Variants in PNPLA4 observed in about 807,000 individuals in gnomAD.
The protein encoded by PNPLA4 is patatin like domain 4, phospholipase and triacylglycerol lipase, also known as patatin-like phospholipase domain-containing protein 4.
A neutral mutation model predicts 18.3 loss-of-function variants in PNPLA4; 15 were observed. That is an observed-to-expected ratio of 0.82 (90% CI 0.55 to 1.26). The LOEUF (loss-of-function observed/expected upper bound fraction) is 1.26. Ranked by LOEUF, PNPLA4 falls within the 50% of genes most tolerant of loss-of-function variation. The pLI is 0.00. For synonymous variants in PNPLA4, 88 were observed against 85.6 expected, an observed-to-expected ratio of 1.03 and a Z score of -0.16; for missense variants, 229 against 196.8, an observed-to-expected ratio of 1.16 and a Z score of -0.98.
chrX:7,920,441 TGA>T (rs1428510051), intron 4 of PNPLA4, among the ~76,000 whole-genome samples: 1 of 112,210 alleles, frequency 8.9e-6, no homozygotes, highest in African/African-American at 3.2e-5. Flanking sequence ...CTCTTGTAAG[TGA>T]GAGAATGACG....
chrX:7,921,832 T>C lies in PNPLA4; in HGVS notation c.292A>G (p.Ile98Val). The change falls in exon 4 of 7, where the codon ATT (isoleucine) becomes GTT (valine). Residue 98 changes from isoleucine (I) to valine (V), a missense_variant. Transcript: ENST00000381042. Reference sequence around the variant, plus strand: ...AGCTCGTGAGCGCTGGGAGGAAGAATCGACTCCATCCCACTTCTAAAGAAG... The same window carrying C: ...AGCTCGTGAGCGCTGGGAGGAAGAACCGACTCCATCCCACTTCTAAAGAAG... The part of the protein sequence containing the change: ...MARLRSGMES[I>V]LPPSAHELAQ... 8.3e-7 allele frequency: 1 copy of C among 1,208,589 alleles called. No individual in the cohort carries two copies. The highest frequency in any genetic ancestry group is 1.1e-6 in the Non-Finnish European group (1 of 893,051).
chrX:7,909,816 C>T (rs1006120524), intron 5 of PNPLA4, among the ~76,000 whole-genome samples: 1 of 111,239 alleles, frequency 9.0e-6, no homozygotes, highest in Non-Finnish European at 1.9e-5. Context: ...TTATTCGGCT[C>T]ACATGTCATT....
At chrX:7,926,792 T>C (rs1266296478) in intron 1 of PNPLA4, among the ~76,000 whole-genome samples, 1 of 112,572 alleles carries the variant, frequency 8.9e-6, no homozygotes, top group East Asian at 2.8e-4. Context: ...CGCCACTTTA[T>C]ACTTGGAACA....
Position 7,899,687 on chromosome X carries a change from G to C in PNPLA4, c.*999C>G, listed in dbSNP as rs1212632045. Reference sequence around the variant, plus strand: ...AGAGAGAGAGAGAGAGAGAATGAATGACAACCAGCTTGATAATCTCCTAAA... The same window carrying C: ...AGAGAGAGAGAGAGAGAGAATGAATCACAACCAGCTTGATAATCTCCTAAA... On this transcript the variant is annotated 3_prime_UTR_variant, in exon 7 of 7. Coordinates refer to ENST00000381042, the MANE Select transcript of PNPLA4 (RefSeq NM_004650.3). 9.8e-6 allele frequency: 1 copy of C among 101,789 alleles called. No individual in the cohort carries two copies. The highest frequency in any genetic ancestry group is 2.0e-5 in the Non-Finnish European group (1 of 49,898). 8.4% of individuals were successfully genotyped at this position (101,789 alleles called of 1,213,427 possible).
intron 4 of PNPLA4, among the ~76,000 whole-genome samples, chrX:7,915,173 A>G (rs1254567368): frequency 9.0e-6 from 1 of 110,602 alleles, no homozygotes; most frequent in Non-Finnish European, 1.9e-5. Context: ...AGTGTATCTC[A>G]CCTCACAATA....
chrX:7,921,918 G>A, intron 3 of PNPLA4, 70 bp from the exon 4 acceptor site: 1 of 1,122,776 alleles, frequency 8.9e-7, no homozygotes, highest in East Asian at 3.1e-5. Context: ...TTTTACAAGA[G>A]AGAATGCTGA....
chrX:7,900,660 T>C lies in PNPLA4; in HGVS notation c.*26A>G. The C allele has an allele frequency of 9.4e-7, 1 of 1,062,739 alleles. No homozygotes were observed. Among genetic ancestry groups the C allele is most frequent in the Admixed American group, 2.7e-5 (1 of 36,679 alleles). 87.6% of individuals were successfully genotyped at this position (1,062,739 alleles called of 1,213,427 possible). On this transcript the variant is annotated 3_prime_UTR_variant, in exon 7 of 7. Coordinates refer to ENST00000381042, the MANE Select transcript of PNPLA4 (RefSeq NM_004650.3). ...TCCATCAAAAACTATCTAAAACGTGTTTTGCATTATAAACTTTTATGCATT... is the reference window on the plus strand; with the variant it reads ...TCCATCAAAAACTATCTAAAACGTGCTTTGCATTATAAACTTTTATGCATT...
chrX:7,922,006 T>C lies in PNPLA4; in HGVS notation c.273A>G (p.Leu91=). The stretch of plus-strand genomic sequence containing the variant: ...TGGGCAAAATGTACTCTGTATACCT[T>C]AGTCGGGCCATGAAGTCATAACCGG... ...VTPGYDFMAR[L]RSGMESILPP... The change falls in exon 3 of 7, where the codon CTA becomes CTG. Residue 91 remains leucine (L), a splice_region_variant and synonymous_variant. Coordinates refer to ENST00000381042, the MANE Select transcript of PNPLA4 (RefSeq NM_004650.3). 8.3e-7 allele frequency: 1 copy of C among 1,198,878 alleles called. No individual in the cohort carries two copies. Among genetic ancestry groups the C allele is most frequent in the East Asian group, 3.0e-5 (1 of 33,782 alleles).
At chrX:7,922,785 T>A (rs1355276153) in intron 2 of PNPLA4, among the ~76,000 whole-genome samples, 1 of 111,809 alleles carries the variant, frequency 8.9e-6, no homozygotes, top group Non-Finnish European at 1.9e-5. Context: ...AGAATTTACA[T>A]CTAAGTCTAT....
At chrX:7,916,720 A>G (rs1924057544) in intron 4 of PNPLA4, among the ~76,000 whole-genome samples, 1 of 111,600 alleles carries the variant, frequency 9.0e-6, no homozygotes. Flanking sequence ...ATTTGCAGGA[A>G]CTGATCTCAG....
intron 2 of PNPLA4, among the ~76,000 whole-genome samples, chrX:7,922,413 C>T (rs768146388): frequency 3.6e-5 from 4 of 112,497 alleles, no homozygotes; most frequent in Non-Finnish European, 7.5e-5. Flanking sequence ...GTTTCCTCAG[C>T]GCAATTAACC....
At chrX:7,907,408 T>C (rs1923740442) in intron 5 of PNPLA4, among the ~76,000 whole-genome samples, 1 of 112,441 alleles carries the variant, frequency 8.9e-6, no homozygotes, top group Non-Finnish European at 1.9e-5. Context: ...GCTAATTCTA[T>C]CTCTTAAAAC....
intron 4 of PNPLA4, among the ~76,000 whole-genome samples, chrX:7,921,141 G>A (rs745927917): frequency 1.8e-5 from 2 of 111,169 alleles, no homozygotes; most frequent in East Asian, 2.8e-4. Context: ...ATGGTGGTAC[G>A]TGCCTGTAAT....
At chrX:7,912,900 T>C (rs773190990) in intron 4 of PNPLA4, among the ~76,000 whole-genome samples, 1 of 112,015 alleles carries the variant, frequency 8.9e-6, no homozygotes, top group Non-Finnish European at 1.9e-5. Flanking sequence ...CATACATTAT[T>C]CAGAAATGGA....
At position 7,912,688 on chromosome X, in the gene PNPLA4, C is replaced by A. The variant is rs780288255; in HGVS notation, c.412-595G>T. The stretch of plus-strand genomic sequence containing the variant: ...GATTGTCATTTAGGAAATTACCATT[C>A]CATACATCATGGGAAGTTGGGCTCT... On this transcript the variant is annotated intron_variant, in intron 4 of 6. Transcript: ENST00000381042. 2.7e-5 allele frequency among the ~76,000 whole-genome samples: 3 copies of A among 112,353 alleles called. No homozygotes were observed. In the East Asian group the frequency reaches 8.4e-4, roughly 31 times the overall value.
intron 5 of PNPLA4, among the ~76,000 whole-genome samples, chrX:7,908,092 T>C (rs1178323494): frequency 9.0e-6 from 1 of 111,608 alleles, no homozygotes; most frequent in Non-Finnish European, 1.9e-5. Context: ...AAAACATTTT[T>C]TAATGCACAT....
chrX:7,899,782 A>G lies in PNPLA4; in HGVS notation c.*904T>C, dbSNP rs749437166. The G allele has an allele frequency of 1.2e-4, 13 of 110,406 alleles. No homozygotes were observed. The highest frequency in any genetic ancestry group is 2.3e-4 in the Non-Finnish European group (12 of 52,850). 9.1% of individuals were successfully genotyped at this position (110,406 alleles called of 1,213,427 possible). ...TTCAAAATCTCCTAGGCTTCTGGAT[A>G]TCTGCCCCTAACTGCACTGGGAGCA... On this transcript the variant is annotated 3_prime_UTR_variant, in exon 7 of 7. Coordinates refer to ENST00000381042, the MANE Select transcript of PNPLA4 (RefSeq NM_004650.3).
intron 6 of PNPLA4, 109 bp downstream of exon 6, chrX:7,901,880 C>G (rs1923545003): frequency 2.6e-6 from 2 of 777,128 alleles, no homozygotes; most frequent in East Asian, 6.5e-5. Flanking sequence ...AGATGCAACT[C>G]CTACCTACAA....
At chrX:7,926,921 C>T (rs1284565251) in intron 1 of PNPLA4, among the ~76,000 whole-genome samples, 1 of 112,102 alleles carries the variant, frequency 8.9e-6, no homozygotes, top group Non-Finnish European at 1.9e-5. Context: ...TCCTTGGGGG[C>T]CCAAGGGCCC....
Sources: allele counts gnomAD v4.1 joint callset (sites outside exome capture counted in the v4.1 genomes callset), GRCh38; gene constraint gnomAD v4.1.1; transcripts MANE v1.5; gene names NCBI Gene and HGNC (gene_info 2026-07-23, HGNC 2026-07-21).